Variants in CAMK4 observed in about 807,000 individuals in gnomAD.
CAMK4 encodes the protein calcium/calmodulin dependent protein kinase IV, also known as calcium/calmodulin-dependent protein kinase type IV.
In CAMK4, 22 loss-of-function variants were observed where a neutral mutation model predicts 44.9. The observed-to-expected ratio is 0.49, with a 90% confidence interval of 0.35 to 0.70. The LOEUF (loss-of-function observed/expected upper bound fraction) is 0.70, where lower values mean the gene tolerates loss of function less well. Ranked by LOEUF, CAMK4 falls within the 30% of genes least tolerant of loss-of-function variation. The pLI is 0.01. For synonymous variants in CAMK4, 218 were observed against 215.4 expected (o/e 1.01, Z -0.11); for missense variants, 498 against 586.8 (o/e 0.85, Z 1.56).
At chr5:111,355,800 A>G (rs1444356149) in intron 2 of CAMK4, among the ~76,000 whole-genome samples, 8 of 149,718 alleles carry the variant, frequency 5.3e-5, no homozygotes, top group East Asian at 4.0e-4. Context: ...ATGATTTCCA[A>G]TTTCATCCAT....
intron 4 of CAMK4, among the ~76,000 whole-genome samples, chr5:111,382,182 C>G (rs1751442176): frequency 6.6e-6 from 1 of 152,120 alleles, no homozygotes; most frequent in South Asian, 2.1e-4. Context: ...TTATCCATAT[C>G]TTTCCATAGC....
intron 5 of CAMK4, among the ~76,000 whole-genome samples, chr5:111,411,928 T>C (rs1752646299): frequency 6.6e-6 from 1 of 152,198 alleles, no homozygotes; most frequent in Admixed American, 6.5e-5. Flanking sequence ...GCATCTGCTC[T>C]GTTTATTCAA....
chr5:111,363,331 A>T (rs1184283082), intron 2 of CAMK4, among the ~76,000 whole-genome samples: 1 of 152,020 alleles, frequency 6.6e-6, no homozygotes, highest in Non-Finnish European at 1.5e-5. Flanking sequence ...TTAATGTTAA[A>T]CCAGAATTTT....
chr5:111,470,206 T>C (rs1379180311), intron 7 of CAMK4, among the ~76,000 whole-genome samples: 2 of 152,256 alleles, frequency 1.3e-5, no homozygotes, highest in African/African-American at 4.8e-5. Flanking sequence ...AGACACTTTC[T>C]GTGGGGTACA....
chr5:111,450,854 T>C (rs1275271719), intron 7 of CAMK4, among the ~76,000 whole-genome samples: 1 of 151,844 alleles, frequency 6.6e-6, no homozygotes, highest in Non-Finnish European at 1.5e-5. Context: ...AATATTGTGT[T>C]GTATGTATCG....
intron 1 of CAMK4, among the ~76,000 whole-genome samples, chr5:111,244,682 G>A (rs1052188860): frequency 7.2e-5 from 11 of 152,022 alleles, no homozygotes; most frequent in Admixed American, 6.6e-4. Flanking sequence ...CCAACATGGC[G>A]AAACCCCATC....
chr5:111,320,719 T>C (rs1748627549), intron 1 of CAMK4, among the ~76,000 whole-genome samples: 1 of 152,172 alleles, frequency 6.6e-6, no homozygotes, highest in Admixed American at 6.5e-5. Flanking sequence ...TTGGTCAGGC[T>C]GGTCTCGAAC....
In CAMK4 at chr5:111,255,061, T is replaced by TA. The variant is rs35350643; in HGVS notation, c.161+30429dup. The stretch of plus-strand genomic sequence containing the variant: ...CTTTGTCCAACTTTTACTTAGTACT[T>TA]AAAAAAAAAAAAGAATGGTTTTATG... On this transcript the variant is annotated intron_variant, in intron 1 of 10. Coordinates refer to ENST00000282356, the MANE Select transcript of CAMK4 (RefSeq NM_001744.6). Among the ~76,000 whole-genome samples the TA allele has an allele frequency of 1.3e-3, 195 of 148,790 alleles. 1 individual carries two copies. The highest frequency in any genetic ancestry group is 3.6e-3 in the African/African-American group (147 of 40,708).
chr5:111,263,286 T>C (rs1750076625), intron 1 of CAMK4, among the ~76,000 whole-genome samples: 1 of 152,236 alleles, frequency 6.6e-6, no homozygotes, highest in South Asian at 2.1e-4. Flanking sequence ...TTATGTTATA[T>C]ACATCATAAT....
chr5:111,359,683 C>T (rs937463724), intron 2 of CAMK4, among the ~76,000 whole-genome samples: 1 of 152,018 alleles, frequency 6.6e-6, no homozygotes, highest in Admixed American at 6.6e-5. Flanking sequence ...ATGGTATTGC[C>T]TAGGTTGTCT....
At chr5:111,323,068 A>T (rs993549519) in intron 1 of CAMK4, among the ~76,000 whole-genome samples, 3 of 152,108 alleles carry the variant, frequency 2.0e-5, no homozygotes, top group Non-Finnish European at 4.4e-5. Context: ...AGAGTGATAA[A>T]TGGGCAGAAA....
chr5:111,384,137 G>A (rs1465437761), intron 4 of CAMK4, among the ~76,000 whole-genome samples: 1 of 152,128 alleles, frequency 6.6e-6, no homozygotes, highest in Non-Finnish European at 1.5e-5. Context: ...AGAAGGAACT[G>A]GTGAAGATTT....
intron 5 of CAMK4, among the ~76,000 whole-genome samples, chr5:111,436,098 G>A (rs1020558164): frequency 6.6e-6 from 1 of 151,964 alleles, no homozygotes; most frequent in Non-Finnish European, 1.5e-5. Context: ...ACTTAATAAG[G>A]ATTGCTACTG....
intron 1 of CAMK4, among the ~76,000 whole-genome samples, chr5:111,254,188 T>A (rs1183418923): frequency 1.3e-5 from 2 of 152,242 alleles, no homozygotes; most frequent in Non-Finnish European, 2.9e-5. Flanking sequence ...AGGGCCTTTG[T>A]TCTGCCTTCT....
chr5:111,284,761 A>G (rs1268090205), intron 1 of CAMK4, among the ~76,000 whole-genome samples: 1 of 152,230 alleles, frequency 6.6e-6, no homozygotes, highest in Admixed American at 6.5e-5. Flanking sequence ...AGTTAAACAT[A>G]CTAGTGCCTT....
chr5:111,430,691 G>A (rs1753410465), intron 5 of CAMK4, among the ~76,000 whole-genome samples: 1 of 152,014 alleles, frequency 6.6e-6, no homozygotes, highest in African/African-American at 2.4e-5. Flanking sequence ...AATTTAAAAA[G>A]TAATCCCACC....
At chr5:111,355,154 A>T (rs918902030) in intron 2 of CAMK4, among the ~76,000 whole-genome samples, 1 of 152,128 alleles carries the variant, frequency 6.6e-6, no homozygotes, top group Non-Finnish European at 1.5e-5. Context: ...GAACACATTA[A>T]GGAAAGTAGC....
chr5:111,321,278 G>A (rs1274171432), intron 1 of CAMK4, among the ~76,000 whole-genome samples: 1 of 152,120 alleles, frequency 6.6e-6, no homozygotes, highest in Non-Finnish European at 1.5e-5. Context: ...AGGAGTTAGT[G>A]TTGCTGTATT....
chr5:111,364,161 G>A (rs1250091654), intron 2 of CAMK4, among the ~76,000 whole-genome samples: 1 of 150,650 alleles, frequency 6.6e-6, no homozygotes, highest in Non-Finnish European at 1.5e-5. Context: ...GGAAGTGGGA[G>A]GGGATGGTAA....
Sources: allele counts gnomAD v4.1 joint callset (sites outside exome capture counted in the v4.1 genomes callset), GRCh38; gene constraint gnomAD v4.1.1; transcripts MANE v1.5; gene names NCBI Gene and HGNC (gene_info 2026-07-23, HGNC 2026-07-21).